SQOR: variants seen among roughly 807,000 people sequenced by gnomAD.
SQOR encodes the protein sulfide quinone oxidoreductase, also known as sulfide:quinone oxidoreductase, mitochondrial.
A neutral mutation model predicts 48.6 loss-of-function variants in SQOR; 39 were observed. The ratio of observed to expected loss-of-function variants is 0.80; its 90% confidence interval spans 0.62 to 1.05. The LOEUF (loss-of-function observed/expected upper bound fraction) is 1.05. Ranked by LOEUF, SQOR falls within the 50% of genes least tolerant of loss-of-function variation. The probability of loss-of-function intolerance (pLI) is 0.00; values close to 1 mark genes in which losing one functional copy is unlikely to be tolerated. For missense variants in SQOR, 561 were observed against 559.9 expected (o/e 1.00, Z -0.02); for synonymous variants, 220 against 206.2 (o/e 1.07, Z -0.57).
At chr15:45,642,243 G>A (rs1458191991) in intron 1 of SQOR, among the ~76,000 whole-genome samples, 2 of 152,194 alleles carry the variant, frequency 1.3e-5, no homozygotes, top group Admixed American at 6.5e-5. Context: ...CACCAGGGCT[G>A]AGCAGGTAAC....
chr15:45,651,518 T>A (rs8037993), intron 1 of SQOR, among the ~76,000 whole-genome samples: 11 of 152,400 alleles, frequency 7.2e-5, no homozygotes, highest in African/African-American at 2.4e-4. Flanking sequence ...TCCGAGGAGG[T>A]GCTGAGAGCG....
chr15:45,652,729 T>C (rs1446046220), intron 1 of SQOR, among the ~76,000 whole-genome samples: 1 of 145,140 alleles, frequency 6.9e-6, no homozygotes, highest in East Asian at 2.2e-4. Context: ...CCCAGCATTG[T>C]GGGAGGCCGA....
rs114299990 is a variant in SQOR, at chr15:45,659,090, T to C, written c.167T>C (p.Ile56Thr). The change falls in exon 2 of 10, where the codon ATC (isoleucine) becomes ACC (threonine). Residue 56 changes from isoleucine to threonine, a missense_variant. By Grantham distance (89) the Ile-to-Thr change is moderately conservative (BLOSUM62 -1). Coordinates refer to ENST00000260324, the MANE Select transcript of SQOR (RefSeq NM_021199.4). ...GTGCTGGGTGGGGGCAGTGGCGGAA[T>C]CACCATGGCTGCCCGCATGAAGAGG... The part of the protein sequence containing the change: ...VLVLGGGSGG[I>T]TMAARMKRKV... The C allele has an allele frequency of 1.6e-3, 2,511 of 1,589,182 alleles. 27 individuals carry two copies. The African/African-American group carries it at 0.03, about 19-fold the overall frequency.
At chr15:45,636,645 G>T (rs763545187) in intron 1 of SQOR, among the ~76,000 whole-genome samples, 1 of 151,780 alleles carries the variant, frequency 6.6e-6, no homozygotes, top group Non-Finnish European at 1.5e-5. Context: ...CTTGTGATAC[G>T]CCCACCTTGG....
At chr15:45,671,765 C>G (rs938185913) in intron 4 of SQOR, among the ~76,000 whole-genome samples, 6 of 152,176 alleles carry the variant, frequency 3.9e-5, no homozygotes, top group Non-Finnish European at 8.8e-5. Flanking sequence ...CTCTCTTAGC[C>G]TCTTTCTCAG....
intron 1 of SQOR, among the ~76,000 whole-genome samples, chr15:45,655,499 T>TA (rs778117893): frequency 2.6e-5 from 4 of 152,026 alleles, no homozygotes; most frequent in Non-Finnish European, 5.9e-5. Context: ...CTCTTCAATC[T>TA]AAAAAAAATC....
rs746809963 is a variant in SQOR, at chr15:45,669,972, C to T, written c.450C>T (p.Asp150=). ...YLIIALGIQL[D]YEKIKGLPEG... The stretch of plus-strand genomic sequence containing the variant: ...TTATTGCTCTCGGAATCCAGCTGGA[C>T]TATGAGAAGGTACCGTGTGAAACTG... The change falls in exon 4 of 10, where the codon GAC becomes GAT. Residue 150 remains aspartate (D), a synonymous_variant. Transcript: ENST00000260324. 2 of 1,613,914 alleles carry T rather than the reference C, an allele frequency of 1.2e-6. No individual in the cohort carries two copies. The highest frequency in any genetic ancestry group is 1.7e-6 in the Non-Finnish European group (2 of 1,179,938).
At chr15:45,637,407 T>C (rs1435875750) in intron 1 of SQOR, among the ~76,000 whole-genome samples, 1 of 152,210 alleles carries the variant, frequency 6.6e-6, no homozygotes, top group African/African-American at 2.4e-5. Context: ...TCAGAACTTA[T>C]TTGTATCCCT....
intron 7 of SQOR, 145 bp from the exon 8 acceptor site, chr15:45,688,192 C>A: frequency 1.7e-6 from 1 of 576,714 alleles, no homozygotes; most frequent in Non-Finnish European, 3.0e-6. Flanking sequence ...GTCAGAATTT[C>A]AATTAGTAAG....
At chr15:45,641,028 G>A (rs2140937138) in intron 1 of SQOR, among the ~76,000 whole-genome samples, 1 of 152,138 alleles carries the variant, frequency 6.6e-6, no homozygotes, top group South Asian at 2.1e-4. Context: ...AAAACAAGGT[G>A]TTCTTTCATT....
At chr15:45,660,999 T>C (rs1889707217) in intron 2 of SQOR, among the ~76,000 whole-genome samples, 1 of 152,112 alleles carries the variant, frequency 6.6e-6, no homozygotes, top group African/African-American at 2.4e-5. Flanking sequence ...GAATGGACTG[T>C]TGCTGGGCAC....
intron 7 of SQOR, among the ~76,000 whole-genome samples, chr15:45,685,701 C>T (rs1566924173): frequency 6.6e-6 from 1 of 152,336 alleles, no homozygotes; most frequent in East Asian, 1.9e-4. Context: ...GCCTTGATGT[C>T]CTGCTGCTGT....
chr15:45,681,928 AC>A (rs1890132541), intron 6 of SQOR, among the ~76,000 whole-genome samples: 1 of 151,918 alleles, frequency 6.6e-6, no homozygotes, highest in African/African-American at 2.4e-5. Flanking sequence ...TATTTTTACC[AC>A]CCCTTTTCAT....
intron 2 of SQOR, among the ~76,000 whole-genome samples, chr15:45,661,138 C>A (rs1200866704): frequency 1.3e-5 from 2 of 151,598 alleles, no homozygotes; most frequent in Non-Finnish European, 2.9e-5. Flanking sequence ...AAAAATTAGC[C>A]AGGCATGGTG....
At chr15:45,683,180 G>T (rs1040131727) in intron 7 of SQOR, among the ~76,000 whole-genome samples, 4 of 151,874 alleles carry the variant, frequency 2.6e-5, no homozygotes, top group African/African-American at 9.7e-5. Flanking sequence ...TCAGAAGAGG[G>T]GGCCTTAGAG....
chr15:45,662,044 A>G lies in SQOR; in HGVS notation c.324A>G (p.Pro108=), dbSNP rs759409196. 2.4e-5 allele frequency: 38 copies of G among 1,614,122 alleles called. No homozygotes were observed. The highest frequency in any genetic ancestry group is 2.7e-5 in the Non-Finnish European group (32 of 1,180,044). ...GTCGTCCCACGGCAAGTGTGATTCCATCTGGTGTAGAATGGATCAAAGCTA... is the reference window on the plus strand; with the variant it reads ...GTCGTCCCACGGCAAGTGTGATTCCGTCTGGTGTAGAATGGATCAAAGCTA... The part of the protein sequence containing the change: ...SSGRPTASVI[P]SGVEWIKARV... Residue 108 remains proline, a synonymous_variant, in exon 3 of 10, where the codon CCA becomes CCG. Transcript: ENST00000260324.
At chr15:45,664,288 C>T (rs1889773284) in intron 3 of SQOR, among the ~76,000 whole-genome samples, 1 of 152,162 alleles carries the variant, frequency 6.6e-6, no homozygotes, top group Non-Finnish European at 1.5e-5. Flanking sequence ...GTTTTTAATA[C>T]ACTTAATACC....
chr15:45,672,660 A>G (rs1346565212), intron 4 of SQOR, among the ~76,000 whole-genome samples: 1 of 152,202 alleles, frequency 6.6e-6, no homozygotes, highest in Non-Finnish European at 1.5e-5. Flanking sequence ...ACTGAGGCTT[A>G]AGTCTCTTTA....
chr15:45,681,319 G>C (rs1476003310), intron 6 of SQOR, among the ~76,000 whole-genome samples: 1 of 152,178 alleles, frequency 6.6e-6, no homozygotes, highest in East Asian at 1.9e-4. Context: ...CAACGTTCAT[G>C]AACAGACCTG....
Sources: gnomAD v4.1 joint callset for allele counts (sites outside exome capture counted in the v4.1 genomes callset) on GRCh38, gnomAD v4.1.1 for gene constraint, MANE v1.5 for transcripts, NCBI Gene and HGNC (gene_info 2026-07-23, HGNC 2026-07-21) for gene names.